The following PHIP variants were observed in gnomAD, a reference collection of about 807,000 sequenced individuals.
The protein encoded by PHIP is PH-interacting protein.
In PHIP, 54 loss-of-function variants were observed where a neutral mutation model predicts 236.8. The ratio of observed to expected loss-of-function variants is 0.23; its 90% CI spans 0.18 to 0.29. The LOEUF is 0.29. Among genes scored for constraint, PHIP ranks in the 10% least tolerant of loss-of-function variants. The pLI, the probability that PHIP is intolerant of heterozygous loss-of-function variation, is 1.00. For synonymous variants in PHIP, 756 were observed against 718.9 expected, an observed-to-expected ratio of 1.05 and a Z score of -0.83; for missense variants, 1,370 against 2,190.8, an observed-to-expected ratio of 0.63 and a Z score of 7.48.
chr6:79,070,458 C>T (rs1333980617), intron 4 of PHIP, among the ~76,000 whole-genome samples: 1 of 152,222 alleles, frequency 6.6e-6, no homozygotes, highest in Admixed American at 6.5e-5. Flanking sequence ...GGATGTTTCA[C>T]TAAGTTGCCT....
At chr6:78,976,361 T>C (rs1470664183) in intron 24 of PHIP, among the ~76,000 whole-genome samples, 1 of 138,296 alleles carries the variant, frequency 7.2e-6, no homozygotes, top group Admixed American at 7.4e-5. Context: ...TTACACCTTA[T>C]ACAAAAATCA....
chr6:79,057,529 AACT>A (rs369809490), intron 6 of PHIP, among the ~76,000 whole-genome samples: 95 of 152,208 alleles, frequency 6.2e-4, no homozygotes, highest in African/African-American at 2.2e-3. Flanking sequence ...TTTAAAGAAA[AACT>A]ACTACCCCAA....
intron 38 of PHIP, 188 bp from the exon 39 acceptor site, chr6:78,945,685 C>T: frequency 1.6e-6 from 1 of 613,738 alleles, no homozygotes; most frequent in Non-Finnish European, 2.9e-6. Context: ...AGTTTCAGCC[C>T]TTTTAGAAGC....
chr6:78,946,364 G>A, intron 37 of PHIP, 104 bp from the exon 38 acceptor site: 2 of 1,400,624 alleles, frequency 1.4e-6, no homozygotes, highest in Admixed American at 2.4e-5. Flanking sequence ...TATGAAATAT[G>A]TTAAAATATG....
intron 31 of PHIP, among the ~76,000 whole-genome samples, chr6:78,959,477 C>T (rs1304528113): frequency 6.6e-6 from 1 of 151,980 alleles, no homozygotes; most frequent in Non-Finnish European, 1.5e-5. Flanking sequence ...ACCAGCAGGG[C>T]AAACTGACAG....
intron 39 of PHIP, among the ~76,000 whole-genome samples, chr6:78,942,975 C>T (rs906736572): frequency 4.6e-5 from 7 of 152,066 alleles, no homozygotes; most frequent in East Asian, 3.9e-4. Flanking sequence ...TGATATTGAA[C>T]GGTGTTGTCC....
intron 20 of PHIP, among the ~76,000 whole-genome samples, chr6:78,989,163 C>T (rs1769057339): frequency 6.6e-6 from 1 of 152,090 alleles, no homozygotes; most frequent in Non-Finnish European, 1.5e-5. Context: ...GCCTGTAATC[C>T]CAGTACTTTG....
At chr6:78,952,014 T>C (rs1338593670) in intron 35 of PHIP, among the ~76,000 whole-genome samples, 1 of 152,268 alleles carries the variant, frequency 6.6e-6, no homozygotes, top group African/African-American at 2.4e-5. Flanking sequence ...TTTCAATATT[T>C]TCTTTTTGAC....
chr6:78,988,361 T>C lies in PHIP; in HGVS notation c.2320-12A>G. 1.3e-6 allele frequency: 2 copies of C among 1,554,458 alleles called. No homozygotes were observed. Among genetic ancestry groups the C allele is most frequent in the Non-Finnish European group, 1.7e-6 (2 of 1,149,998 alleles). On this transcript the variant is annotated splice_polypyrimidine_tract_variant and intron_variant, in intron 20 of 39. Transcript: ENST00000275034. ...TCATGAGCATGATTCTAGAAAAAAA[T>C]AAATTAAATTTATTCACAGATTGTT...
intron 20 of PHIP, among the ~76,000 whole-genome samples, chr6:78,990,271 G>GA (rs1321488919): frequency 1.3e-5 from 2 of 151,784 alleles, no homozygotes; most frequent in East Asian, 1.9e-4. Context: ...GAAAAGAAAA[G>GA]AAAAAAAGGA....
chr6:78,988,217 A>G lies in PHIP; in HGVS notation c.2452T>C (p.Ser818Pro). The G allele has an allele frequency of 6.3e-7, 1 of 1,575,810 alleles. No homozygotes were observed. Among genetic ancestry groups the G allele is most frequent in the South Asian group, 1.2e-5 (1 of 82,762 alleles). ...PSEEIENGSS[S>P]SDEGEVVAVS... is the part of the protein sequence containing the mutation. ...ATGTGCTGATATCTTACATCTGAAG[A>G]ACTACTGCCATTTTCTATCTCTTCT... Residue 818 changes from serine to proline, a missense_variant, in exon 21 of 40, where the codon TCT (serine) becomes CCT (proline). This residue lies in a region of PHIP where 99 missense variants were observed against 110.0 expected (regional missense o/e 0.90). Coordinates refer to ENST00000275034, the MANE Select transcript of PHIP (RefSeq NM_017934.7).
chr6:78,945,938 C>A, intron 38 of PHIP, 63 bp downstream of exon 38: 2 of 1,222,648 alleles, frequency 1.6e-6, no homozygotes, highest in Non-Finnish European at 1.2e-6. Flanking sequence ...TTGCATTTGG[C>A]AAAGTAAAAG....
rs1204484091 is a variant in PHIP at position 78,940,844 on chromosome 6, C to T, written c.5315G>A (p.Gly1772Asp). 1 of 1,613,956 alleles carries T rather than the reference C, an allele frequency of 6.2e-7. No individual in the cohort carries two copies. Among genetic ancestry groups the T allele is most frequent in the Non-Finnish European group, 8.5e-7 (1 of 1,179,918 alleles). ...CTCATTATAGAAAGCTGTCCTTCGACCTTGATTTCTAGTTCTCATGTGGGG... is the reference window on the plus strand; with the variant it reads ...CTCATTATAGAAAGCTGTCCTTCGATCTTGATTTCTAGTTCTCATGTGGGG... ...SEPHMRTRNQGRRTAFYNEDD... is the reference protein window; with the variant it reads ...SEPHMRTRNQDRRTAFYNEDD... The change falls in exon 40 of 40, where the codon GGT becomes GAT. Residue 1772 changes from glycine (G) to aspartate (D), a missense_variant. Physicochemically the swap from Gly to Asp is moderately conservative, Grantham distance 94. Around this residue, in one of 14 missense-constraint regions of PHIP, gnomAD observed 30 missense variants for 68.2 expected, o/e 0.44. Transcript: ENST00000275034.
At chr6:79,006,764 G>C (rs1770313769) in intron 15 of PHIP, among the ~76,000 whole-genome samples, 1 of 151,940 alleles carries the variant, frequency 6.6e-6, no homozygotes. Flanking sequence ...GTGCATTTTA[G>C]ATGAACTATT....
intron 7 of PHIP, among the ~76,000 whole-genome samples, chr6:79,031,531 G>A (rs1415948415): frequency 2.0e-5 from 3 of 152,126 alleles, no homozygotes; most frequent in Non-Finnish European, 4.4e-5. Context: ...AGTGTGTTGA[G>A]AAAGGGTGGG....
In PHIP at chr6:79,078,169, G is replaced by C. The variant is rs1301646603; in HGVS notation, c.-101C>G. The C allele has an allele frequency of 8.4e-7, 1 of 1,191,468 alleles. No individual in the cohort carries two copies. The highest frequency in any genetic ancestry group is 1.6e-5 in the African/African-American group (1 of 64,026). 73.8% of individuals were successfully genotyped at this position (1,191,468 alleles called of 1,614,324 possible). A position where few individuals can be genotyped will look rare whatever the true frequency, so the allele number is the denominator to read the frequency against. On this transcript the variant is annotated 5_prime_UTR_variant, in exon 1 of 40. Coordinates refer to ENST00000275034, the MANE Select transcript of PHIP (RefSeq NM_017934.7). ...CCTATAGCTGTCAGTGTGTGTTCACGAGCCGAGCTTCGGCTCCACCATTCA... is the reference window on the plus strand; with the variant it reads ...CCTATAGCTGTCAGTGTGTGTTCACCAGCCGAGCTTCGGCTCCACCATTCA...
chr6:79,008,827 TAAAGA>T (rs1022869667), intron 15 of PHIP, among the ~76,000 whole-genome samples: 3 of 152,128 alleles, frequency 2.0e-5, no homozygotes, highest in African/African-American at 7.2e-5. Context: ...ATGAACTGAA[TAAAGA>T]AGTCAGTTCT....
rs556923600 is a variant in PHIP at position 78,940,193 on chromosome 6, T to C, written c.*500A>G. On this transcript the variant is annotated 3_prime_UTR_variant, in exon 40 of 40. Transcript: ENST00000275034. ...ATGGTGGAAATTTTATATTTATCTT[T>C]TAGAGGAAACATTTCTTAATTCACT... 1 of 152,186 alleles carries C rather than the reference T, an allele frequency of 6.6e-6. No homozygotes were observed. Among genetic ancestry groups the C allele is most frequent in the East Asian group, 1.9e-4 (1 of 5,188 alleles). The allele number at this position is 152,186 out of a possible 1,614,324, so 9.4% of individuals were successfully genotyped here. A position where few individuals can be genotyped will look rare whatever the true frequency, so the allele number is the denominator to read the frequency against.
At chr6:79,052,592 G>C (rs558213747) in intron 6 of PHIP, among the ~76,000 whole-genome samples, 1 of 152,082 alleles carries the variant, frequency 6.6e-6, no homozygotes, top group Admixed American at 6.5e-5. Context: ...AGAATGAATT[G>C]GAAAGGATAT....
Sources: allele counts gnomAD v4.1 joint callset (sites outside exome capture counted in the v4.1 genomes callset), GRCh38; gene constraint gnomAD v4.1.1; regional missense constraint gnomAD v4.1.1; transcripts MANE v1.5; gene names NCBI Gene and HGNC (gene_info 2026-07-23, HGNC 2026-07-21).